Variants in NELL1 observed in about 807,000 individuals in gnomAD.
NELL1 encodes the protein protein kinase C-binding protein NELL1.
NELL1 carries 76 observed loss-of-function variants against 107.4 expected under a neutral mutation model. The ratio of observed to expected loss-of-function variants is 0.71; its 90% CI spans 0.59 to 0.86. The LOEUF (loss-of-function observed/expected upper bound fraction) is 0.86. Ranked by LOEUF, NELL1 falls within the 40% of genes least tolerant of loss-of-function variation. NELL1 has a pLI of 0.00. For missense variants in NELL1, 1,024 were observed against 1,005.5 expected (o/e 1.02, Z -0.25); for synonymous variants, 353 against 341.2 (o/e 1.03, Z -0.38).
At chr11:20,815,191 A>G (rs1189500161) in intron 3 of NELL1, among the ~76,000 whole-genome samples, 1 of 152,020 alleles carries the variant, frequency 6.6e-6, no homozygotes. Flanking sequence ...CAGCCTCCCA[A>G]GTAGCTGGGA....
intron 2 of NELL1, among the ~76,000 whole-genome samples, chr11:20,679,038 G>A (rs375276654): frequency 6.6e-6 from 1 of 152,154 alleles, no homozygotes; most frequent in Non-Finnish European, 1.5e-5. Context: ...TTCGCATGGC[G>A]GAAGGGTGGT....
intron 13 of NELL1, among the ~76,000 whole-genome samples, chr11:21,191,129 T>C (rs1442253528): frequency 2.0e-5 from 3 of 151,750 alleles, no homozygotes; most frequent in Non-Finnish European, 4.4e-5. Context: ...CCCTAAAACC[T>C]GTTAATATAT....
chr11:21,000,265 T>TA (rs11376900), intron 12 of NELL1, among the ~76,000 whole-genome samples: 43,305 of 146,826 alleles, frequency 0.29, 9,832 homozygotes, highest in African/African-American at 0.64. Context: ...TAAAGTATAA[T>TA]AAAAAAAAAA....
At chr11:20,948,563 T>C (rs1344075680) in intron 11 of NELL1, among the ~76,000 whole-genome samples, 1 of 152,024 alleles carries the variant, frequency 6.6e-6, no homozygotes, top group Non-Finnish European at 1.5e-5. Context: ...CTTACTGTAC[T>C]ATCCAATAAA....
At position 20,669,605 on chromosome 11, in the gene NELL1, C is replaced by A; in HGVS notation, c.-119C>A. On this transcript the variant is annotated 5_prime_UTR_variant, in exon 1 of 20. Coordinates refer to ENST00000357134, the MANE Select transcript of NELL1 (RefSeq NM_006157.5). The surrounding 1 kb of genome is among the most constrained non-coding windows in gnomAD (Gnocchi z 4.4). ...CGCAGCACCCGGCGCTGCCGAGCCA[C>A]CTCCCCCGCCGCCCGCTAGCAAGTT... The A allele has an allele frequency of 2.4e-6, 2 of 819,620 alleles. No homozygotes were observed. The highest frequency in any genetic ancestry group is 4.0e-6 in the Non-Finnish European group (2 of 504,668). 50.8% of individuals were successfully genotyped at this position (819,620 alleles called of 1,614,324 possible).
chr11:20,888,368 C>T (rs1488391835), intron 5 of NELL1, among the ~76,000 whole-genome samples: 1 of 151,356 alleles, frequency 6.6e-6, no homozygotes, highest in East Asian at 1.9e-4. Context: ...TCTGATGCCT[C>T]TATGTTTTCT....
chr11:21,570,844 C>T lies in NELL1; in HGVS notation c.2061C>T (p.Asp687=). ...ACCTATTCTGTTGCCCAGAATGTGA[C>T]ACCAGAGTCACAAGTCAATGTTTAG... ...SADLFCCPEC[D]TRVTSQCLDQ... Residue 687 remains aspartate, a synonymous_variant, in exon 18 of 20, where the codon GAC becomes GAT. Coordinates refer to ENST00000357134, the MANE Select transcript of NELL1 (RefSeq NM_006157.5). 1.2e-6 allele frequency: 2 copies of T among 1,611,904 alleles called. No individual in the cohort carries two copies. Among genetic ancestry groups the T allele is most frequent in the East Asian group, 4.5e-5 (2 of 44,742 alleles).
chr11:20,920,488 T>C (rs969351909), intron 7 of NELL1, among the ~76,000 whole-genome samples: 2 of 152,104 alleles, frequency 1.3e-5, no homozygotes, highest in Non-Finnish European at 2.9e-5. Flanking sequence ...CAATTGAGAC[T>C]GAGGCCCAGA....
intron 13 of NELL1, among the ~76,000 whole-genome samples, chr11:21,186,827 G>A (rs550020136): frequency 6.6e-6 from 1 of 151,910 alleles, no homozygotes; most frequent in East Asian, 1.9e-4. Flanking sequence ...GTAGGAGAAA[G>A]GGAAAAATAA....
chr11:20,815,937 C>T (rs571412801), intron 3 of NELL1, among the ~76,000 whole-genome samples: 37 of 152,174 alleles, frequency 2.4e-4, no homozygotes, highest in Admixed American at 4.6e-4. Flanking sequence ...TTATTTTTGT[C>T]AACTTTACCA....
chr11:21,416,568 G>C (rs1363480810), intron 15 of NELL1, among the ~76,000 whole-genome samples: 1 of 152,118 alleles, frequency 6.6e-6, no homozygotes, highest in Non-Finnish European at 1.5e-5. Flanking sequence ...TGAGATGACA[G>C]ATAAATAGAT....
chr11:21,422,039 C>T (rs568731093), intron 15 of NELL1, among the ~76,000 whole-genome samples: 1 of 152,198 alleles, frequency 6.6e-6, no homozygotes, highest in East Asian at 1.9e-4. Context: ...CAAGAATTCA[C>T]TGTCTGGAAA....
intron 2 of NELL1, among the ~76,000 whole-genome samples, chr11:20,700,022 C>A (rs1350382848): frequency 1.5e-5 from 2 of 135,030 alleles, no homozygotes; most frequent in East Asian, 4.0e-4. Context: ...TTTCATTTCC[C>A]TGATAATTAG....
chr11:21,389,137 G>A (rs1488009217), intron 15 of NELL1, among the ~76,000 whole-genome samples: 1 of 151,690 alleles, frequency 6.6e-6, no homozygotes, highest in Non-Finnish European at 1.5e-5. Flanking sequence ...GTCTGTGCCA[G>A]CCACCATTGT....
At chr11:21,242,319 C>G (rs1292938537) in intron 14 of NELL1, among the ~76,000 whole-genome samples, 1 of 151,948 alleles carries the variant, frequency 6.6e-6, no homozygotes, top group Non-Finnish European at 1.5e-5. Flanking sequence ...GAATCCTTAC[C>G]ACTCCGTCAG....
At chr11:21,393,687 T>G (rs181866518) in intron 15 of NELL1, among the ~76,000 whole-genome samples, 74 of 151,788 alleles carry the variant, frequency 4.9e-4, no homozygotes, top group African/African-American at 1.6e-3. Context: ...GTAGATAGAT[T>G]AGAAACTCAT....
intron 14 of NELL1, among the ~76,000 whole-genome samples, chr11:21,267,597 A>T (rs1425213630): frequency 6.6e-6 from 1 of 151,754 alleles, no homozygotes; most frequent in Non-Finnish European, 1.5e-5. Context: ...GGTTTTCATT[A>T]CAGTCTGAGT....
At chr11:21,437,405 G>T (rs1227096249) in intron 15 of NELL1, among the ~76,000 whole-genome samples, 1 of 152,120 alleles carries the variant, frequency 6.6e-6, no homozygotes, top group Non-Finnish European at 1.5e-5. Context: ...TGTTACCCAG[G>T]CTGGAGTGCA....
intron 15 of NELL1, among the ~76,000 whole-genome samples, chr11:21,528,929 CTGTTTT>C (rs1020482967): frequency 8.4e-4 from 128 of 152,030 alleles, no homozygotes; most frequent in African/African-American, 3.0e-3. Flanking sequence ...TTGCTTGTTT[CTGTTTT>C]TATTTTTAGA....
Sources: allele counts gnomAD v4.1 joint callset (sites outside exome capture counted in the v4.1 genomes callset), GRCh38; gene constraint gnomAD v4.1.1; non-coding constraint Gnocchi (gnomAD v3.1); transcripts MANE v1.5; gene names NCBI Gene and HGNC (gene_info 2026-07-23, HGNC 2026-07-21).